The following ADGRG1 variants were observed in gnomAD, a reference collection of about 807,000 sequenced individuals.
The protein encoded by ADGRG1 is adhesion G protein-coupled receptor G1.
Under a neutral mutation model 73.5 loss-of-function variants are expected in ADGRG1, and 53 were observed. That is an observed-to-expected ratio of 0.72 (90% CI 0.58 to 0.91). The LOEUF (loss-of-function observed/expected upper bound fraction) is 0.91, where lower values mean the gene tolerates loss of function less well. Among genes scored for constraint, ADGRG1 ranks in the 40% least tolerant of loss-of-function variants. ADGRG1 has a pLI of 0.00. For synonymous variants in ADGRG1, 394 were observed against 374.4 expected (o/e 1.05, Z -0.60); for missense variants, 795 against 871.8 (o/e 0.91, Z 1.11).
At chr16:57,648,663 TAAACTC>T (rs2043263070) in intron 1 of ADGRG1, 2 of 984,180 alleles carry the variant, frequency 2.0e-6, no homozygotes, top group Non-Finnish European at 2.4e-6. Flanking sequence ...TGGTTTCTCT[TAAACTC>T]AGACTCCACG....
chr16:57,663,414 TC>T (rs2047750631), intron 13 of ADGRG1, 37 bp from the exon 14 acceptor site: 1 of 1,609,936 alleles, frequency 6.2e-7, no homozygotes, highest in South Asian at 1.1e-5. Context: ...GGGGTGGGGC[TC>T]CCCCACCTGC....
At chr16:57,620,036 A>C (rs972961169), upstream of ADGRG1, 3 of 152,322 alleles carry the variant, frequency 2.0e-5, no homozygotes, top group Non-Finnish European at 2.9e-5. Context: ...CCGCCAGCCC[A>C]GACAAGCTCA....
rs780294064 is a variant in ADGRG1 at position 57,659,587 on chromosome 16, G to A, written c.1461G>A (p.Met487Ile). Residue 487 changes from methionine (M) to isoleucine (I), a missense_variant, in exon 11 of 14, where the codon ATG becomes ATA. By Grantham distance (10) the Met-to-Ile change is conservative. Coordinates refer to ENST00000562631, the MANE Select transcript of ADGRG1 (RefSeq NM_201525.4). ...HFSLLTCLSW[M>I]GLEGYNLYRL... ...CCCTGCTCACCTGCCTTTCCTGGAT[G>A]GGCCTCGAGGGGTACAACCTCTACC... 28 of 1,613,932 alleles carry A rather than the reference G, an allele frequency of 1.7e-5. No individual in the cohort carries two copies. Among genetic ancestry groups the A allele is most frequent in the Admixed American group, 1.7e-4 (10 of 60,008 alleles).
chr16:57,661,728 A>T lies in ADGRG1; in HGVS notation c.1696A>T (p.Ile566Phe). 1 of 1,614,102 alleles carries T rather than the reference A, an allele frequency of 6.2e-7. No homozygotes were observed. The highest frequency in any genetic ancestry group is 8.5e-7 in the Non-Finnish European group (1 of 1,179,988). Residue 566 changes from isoleucine to phenylalanine, a missense_variant, in exon 13 of 14, where the codon ATC (isoleucine) becomes TTC (phenylalanine). By Grantham distance (21) the Ile-to-Phe change is conservative. Transcript: ENST00000562631. ...GATCCGGGACTCCCTGGTCAGCTAC[A>T]TCACCAACCTGGGCCTCTTCAGCCT... ...CWIRDSLVSY[I>F]TNLGLFSLVF...
chr16:57,639,425 T>C (rs2040191590), intron 1 of ADGRG1: 2 of 985,430 alleles, frequency 2.0e-6, no homozygotes, highest in African/African-American at 3.5e-5. Context: ...CTGCGCCCCT[T>C]CTCCCGCGCT....
chr16:57,626,910 C>G, upstream of ADGRG1: 1 of 985,374 alleles, frequency 1.0e-6, no homozygotes, highest in Non-Finnish European at 1.2e-6. Context: ...TTAGTGGGCC[C>G]CCAGTGTAGG....
chr16:57,651,527 A>G lies in ADGRG1; in HGVS notation c.392A>G (p.Gln131Arg). 3.1e-6 allele frequency: 5 copies of G among 1,614,234 alleles called. No homozygotes were observed. Among genetic ancestry groups the G allele is most frequent in the Non-Finnish European group, 4.2e-6 (5 of 1,180,040 alleles). Residue 131 changes from glutamine (Q) to arginine (R), a missense_variant, in exon 3 of 14, where the codon CAG (glutamine) becomes CGG (arginine). Physicochemically the swap from Gln to Arg is conservative, Grantham distance 43 (BLOSUM62 1). Coordinates refer to ENST00000562631, the MANE Select transcript of ADGRG1 (RefSeq NM_201525.4). ...CFQHQEESLA[Q>R]GPPLLATSVT... ...CAGCACCAGGAGGAGAGCCTGGCTC[A>G]GGGCCCCCCGCTGTTAGCCACTTCT...
chr16:57,650,810 G>A (rs1331023176), intron 2 of ADGRG1, among the ~76,000 whole-genome samples: 3 of 144,216 alleles, frequency 2.1e-5, no homozygotes, highest in Non-Finnish European at 3.0e-5. Flanking sequence ...CCGGGTTCAC[G>A]CCATTCTCCT....
chr16:57,661,255 G>C (rs570303225), intron 12 of ADGRG1: 3 of 984,220 alleles, frequency 3.0e-6, no homozygotes, highest in South Asian at 9.4e-5. Context: ...CACACTGAGG[G>C]CTGGTGTGCT....
intron 10 of ADGRG1, 85 bp from the exon 11 acceptor site, chr16:57,659,328 C>A: frequency 1.2e-6 from 2 of 1,605,376 alleles, no homozygotes; most frequent in South Asian, 1.1e-5. Flanking sequence ...GGGGGGCAGT[C>A]TGGGAAGGCT....
chr16:57,662,240 G>C (rs1242176900), intron 13 of ADGRG1, among the ~76,000 whole-genome samples: 3 of 152,236 alleles, frequency 2.0e-5, no homozygotes, highest in African/African-American at 7.2e-5. Flanking sequence ...CTGCGCATGA[G>C]CAGGCAAGCA....
At position 57,654,076 on chromosome 16, in the gene ADGRG1, G is replaced by A. The variant is rs148219127; in HGVS notation, c.711G>A (p.Val237=). The change falls in exon 5 of 14, where the codon GTG becomes GTA. Residue 237 remains valine (V), a synonymous_variant. Transcript: ENST00000562631. ...SFEEDRINAT[V]WKLQPTAGLQ... is the part of the protein sequence containing the mutation. ...AGGAGGACCGGATCAACGCCACGGTGTGGAAGCTCCAGCCCACAGCCGGCC... is the reference window on the plus strand; with the variant it reads ...AGGAGGACCGGATCAACGCCACGGTATGGAAGCTCCAGCCCACAGCCGGCC... The A allele has an allele frequency of 8.9e-5, 143 of 1,613,968 alleles. No individual in the cohort carries two copies. The African/African-American group carries it at 1.7e-3, about 19-fold the overall frequency.
upstream of ADGRG1, chr16:57,627,006 T>C: frequency 1.0e-6 from 1 of 985,438 alleles, no homozygotes; most frequent in Non-Finnish European, 1.2e-6. Flanking sequence ...CAGTCCCCAC[T>C]GTGCCTCCCT....
At chr16:57,652,320 G>T (rs997932255) in intron 3 of ADGRG1, among the ~76,000 whole-genome samples, 3 of 152,040 alleles carry the variant, frequency 2.0e-5, no homozygotes, top group Non-Finnish European at 4.4e-5. Flanking sequence ...GTTTACTGGG[G>T]GGTTTTCATG....
chr16:57,652,371 T>G (rs2148277848), intron 3 of ADGRG1, among the ~76,000 whole-genome samples: 7 of 148,902 alleles, frequency 4.7e-5, no homozygotes, highest in African/African-American at 9.9e-5. Context: ...CTTTCAGGGG[T>G]GGGGGGCACA....
chr16:57,625,027 C>A (rs1386570140), upstream of ADGRG1, among the ~76,000 whole-genome samples: 3 of 152,138 alleles, frequency 2.0e-5, no homozygotes, highest in Non-Finnish European at 4.4e-5. Flanking sequence ...GGCCAGCTGG[C>A]CTGAACCCAG....
In ADGRG1 at chr16:57,653,103, G is replaced by A. The variant is rs77966706; in HGVS notation, c.488-100G>A. 24,812 of 1,591,276 alleles carry A rather than the reference G, an allele frequency of 0.016. 362 individuals are homozygous for A. The highest frequency in any genetic ancestry group is 0.074 in the East Asian group (3,302 of 44,682). On this transcript the variant is annotated intron_variant, in intron 3 of 13. Coordinates refer to ENST00000562631, the MANE Select transcript of ADGRG1 (RefSeq NM_201525.4). Reference sequence around the variant, plus strand: ...GTTTCCCCTTTGTAAAGTAAAGATCGAGGCATTCAGAGTCATGTCAGGGTG... The same window carrying A: ...GTTTCCCCTTTGTAAAGTAAAGATCAAGGCATTCAGAGTCATGTCAGGGTG...
chr16:57,652,957 G>A (rs770398814), intron 3 of ADGRG1: 6 of 1,385,930 alleles, frequency 4.3e-6, no homozygotes, highest in African/African-American at 2.9e-5. Flanking sequence ...GCTGAGCAAG[G>A]CACATCCCAC....
At chr16:57,655,048 A>G in intron 5 of ADGRG1, 1 of 985,034 alleles carries the variant, frequency 1.0e-6, no homozygotes, top group South Asian at 4.7e-5. Context: ...CTGCCCCCTG[A>G]GTGGCTCTGG....
Sources: gnomAD v4.1 joint callset for allele counts (sites outside exome capture counted in the v4.1 genomes callset) on GRCh38, gnomAD v4.1.1 for gene constraint, MANE v1.5 for transcripts, NCBI Gene and HGNC (gene_info 2026-07-23, HGNC 2026-07-21) for gene names.